Variants in RBMS3 observed in about 807,000 individuals in gnomAD.
The protein encoded by RBMS3 is RNA-binding motif, single-stranded-interacting protein 3.
RBMS3 carries 27 observed loss-of-function variants against 66.8 expected under a neutral mutation model. The ratio of observed to expected loss-of-function variants is 0.40; its 90% CI spans 0.30 to 0.56. RBMS3 has a LOEUF of 0.56. Among genes scored for constraint, RBMS3 ranks in the 20% least tolerant of loss-of-function variants. The pLI is 0.40. For missense variants in RBMS3, 513 were observed against 549.5 expected (o/e 0.93, Z 0.66); for synonymous variants, 188 against 183.0 (o/e 1.03, Z -0.22).
rs140665511 is a variant in RBMS3, at chr3:29,584,946, T to C, written c.308-2168T>C. Among the ~76,000 whole-genome samples, 968 of 152,276 alleles carry C rather than the reference T, an allele frequency of 6.4e-3. 9 individuals are homozygous for C. Among genetic ancestry groups the C allele is most frequent in the Non-Finnish European group, 9.6e-3 (650 of 68,000 alleles). The stretch of plus-strand genomic sequence containing the variant: ...ACTGCTTCTTTAAAACTTTCAATAG[T>C]GAACAATCAAAAATTAAAATCTATA... On this transcript the variant is annotated intron_variant, in intron 3 of 14. Transcript: ENST00000383767.
At chr3:29,994,378 T>A (rs1178017292) in intron 14 of RBMS3, among the ~76,000 whole-genome samples, 1 of 152,178 alleles carries the variant, frequency 6.6e-6, no homozygotes, top group Non-Finnish European at 1.5e-5. Context: ...TGCCCAGGCT[T>A]GATTAGGTAA....
intron 3 of RBMS3, among the ~76,000 whole-genome samples, chr3:29,582,095 T>G (rs1318546199): frequency 1.3e-5 from 2 of 152,074 alleles, no homozygotes; most frequent in East Asian, 3.9e-4. Context: ...GCAAATGCAC[T>G]AAAGGAAACA....
chr3:29,601,609 T>G (rs759845461), intron 4 of RBMS3, among the ~76,000 whole-genome samples: 2 of 151,998 alleles, frequency 1.3e-5, no homozygotes, highest in Non-Finnish European at 2.9e-5. Flanking sequence ...TTGCCAATAA[T>G]CCTCGAGTAT....
chr3:29,288,575 T>C (rs1265397840), intron 1 of RBMS3, among the ~76,000 whole-genome samples: 1 of 152,034 alleles, frequency 6.6e-6, no homozygotes, highest in African/African-American at 2.4e-5. Context: ...TTTTCCTCAT[T>C]TAACTTCCTC....
At chr3:29,815,762 A>G (rs6804210) in intron 6 of RBMS3, among the ~76,000 whole-genome samples, 1 of 151,566 alleles carries the variant, frequency 6.6e-6, no homozygotes, top group Non-Finnish European at 1.5e-5. Context: ...AAAATGATAT[A>G]ATGGACTTCG....
intron 4 of RBMS3, among the ~76,000 whole-genome samples, chr3:29,588,792 C>T (rs1027455636): frequency 1.6e-4 from 24 of 152,086 alleles, no homozygotes; most frequent in Middle Eastern, 3.4e-3. Flanking sequence ...GGCAAAGAGT[C>T]AATGGCATTA....
At chr3:29,918,841 C>A (rs1285210910) in intron 10 of RBMS3, among the ~76,000 whole-genome samples, 1 of 151,642 alleles carries the variant, frequency 6.6e-6, no homozygotes, top group Non-Finnish European at 1.5e-5. Context: ...TTTTTCAAAA[C>A]CCTACATATT....
Position 29,884,073 on chromosome 3 carries a change from T to C in RBMS3, c.745-89T>C, listed in dbSNP as rs1273289922. The stretch of plus-strand genomic sequence containing the variant: ...AATAAACTTAGATCATGGAAAGTAA[T>C]GATAAGAGTCTTTGTGTGTACTAAA... On this transcript the variant is annotated intron_variant, in intron 7 of 14. Transcript: ENST00000383767. 8.1e-6 allele frequency: 9 copies of C among 1,114,858 alleles called. No individual in the cohort carries two copies. The Admixed American group carries it at 1.8e-4, about 22-fold the overall frequency. 69.1% of individuals were successfully genotyped at this position (1,114,858 alleles called of 1,614,324 possible).
intron 1 of RBMS3, among the ~76,000 whole-genome samples, chr3:29,425,240 G>A (rs1473638438): frequency 6.8e-6 from 1 of 148,126 alleles, no homozygotes; most frequent in African/African-American, 2.5e-5. Flanking sequence ...CAGGCGTGGT[G>A]TCACCCGCCT....
intron 10 of RBMS3, among the ~76,000 whole-genome samples, chr3:29,906,569 T>G (rs2149621949): frequency 6.6e-6 from 1 of 152,288 alleles, no homozygotes; most frequent in South Asian, 2.1e-4. Context: ...ATTGCAATTA[T>G]AAAAATTTTA....
chr3:29,863,273 C>T (rs534489523), intron 6 of RBMS3, among the ~76,000 whole-genome samples: 70 of 151,902 alleles, frequency 4.6e-4, no homozygotes, highest in Middle Eastern at 3.4e-3. Flanking sequence ...ATGTAAATGA[C>T]GAGTTAATGG....
chr3:29,319,263 C>T (rs1439829359), intron 1 of RBMS3, among the ~76,000 whole-genome samples: 6 of 151,956 alleles, frequency 3.9e-5, no homozygotes, highest in African/African-American at 7.2e-5. Context: ...TCCCTTGCCT[C>T]GTTCAGTGCA....
chr3:29,866,644 T>A (rs1329151221), intron 6 of RBMS3, among the ~76,000 whole-genome samples: 1 of 152,220 alleles, frequency 6.6e-6, no homozygotes, highest in African/African-American at 2.4e-5. Context: ...CAGGAAATTA[T>A]GTTACTCAGA....
intron 4 of RBMS3, among the ~76,000 whole-genome samples, chr3:29,700,622 T>G (rs2052523058): frequency 2.0e-5 from 3 of 151,802 alleles, no homozygotes; most frequent in Admixed American, 2.0e-4. Context: ...AGTACTATAG[T>G]AAGATATGAA....
intron 1 of RBMS3, among the ~76,000 whole-genome samples, chr3:29,351,978 T>C (rs1399035289): frequency 6.6e-6 from 1 of 152,104 alleles, no homozygotes; most frequent in Non-Finnish European, 1.5e-5. Context: ...ATTATTGTAA[T>C]TATTGAATAA....
intron 2 of RBMS3, among the ~76,000 whole-genome samples, chr3:29,462,534 G>A (rs1244565668): frequency 6.6e-6 from 1 of 152,144 alleles, no homozygotes; most frequent in Non-Finnish European, 1.5e-5. Context: ...ATCCTTCTCA[G>A]TTTTCTTGAC....
At position 29,988,250 on chromosome 3, in the gene RBMS3, G is replaced by A. The variant is rs545076512; in HGVS notation, c.1179+27G>A. On this transcript the variant is annotated intron_variant, in intron 13 of 14. Transcript: ENST00000383767. Reference sequence around the variant, plus strand: ...TAAGTCTACCCCTGTCTAATAAAGAGGTTAGAAGAAATAAATCTCAGTCAC... The same window carrying A: ...TAAGTCTACCCCTGTCTAATAAAGAAGTTAGAAGAAATAAATCTCAGTCAC... 437 of 1,557,502 alleles carry A rather than the reference G, an allele frequency of 2.8e-4. 1 individual carries two copies. Among genetic ancestry groups the A allele is most frequent in the Middle Eastern group, 6.7e-4 (4 of 5,950 alleles).
chr3:29,509,336 C>A lies in RBMS3; in HGVS notation c.307+20837C>A, dbSNP rs532556543. Among the ~76,000 whole-genome samples the A allele has an allele frequency of 3.3e-5, 5 of 152,214 alleles. No individual in the cohort carries two copies. In the East Asian group the frequency reaches 9.7e-4, roughly 29 times the overall value. ...CTCTTTGCCTGTAACGTAACAAGCACCCCACATTTACTAATAATGACTAAT... is the reference window on the plus strand; with the variant it reads ...CTCTTTGCCTGTAACGTAACAAGCAACCCACATTTACTAATAATGACTAAT... On this transcript the variant is annotated intron_variant, in intron 3 of 14. Transcript: ENST00000383767.
At chr3:29,874,858 G>T (rs1486946240) in intron 7 of RBMS3, among the ~76,000 whole-genome samples, 2 of 152,110 alleles carry the variant, frequency 1.3e-5, no homozygotes, top group East Asian at 3.9e-4. Context: ...TGATCACTAA[G>T]GATAAAAGGT....
Sources: allele counts gnomAD v4.1 joint callset (sites outside exome capture counted in the v4.1 genomes callset), GRCh38; gene constraint gnomAD v4.1.1; transcripts MANE v1.5; gene names NCBI Gene and HGNC (gene_info 2026-07-23, HGNC 2026-07-21).